ROPN1L: variants seen among roughly 807,000 people sequenced by gnomAD.
The protein encoded by ROPN1L is rhophilin associated tail protein 1 like, also known as ropporin-1-like protein.
In ROPN1L, 23 loss-of-function variants were observed where a neutral mutation model predicts 22.7. The ratio of observed to expected loss-of-function variants is 1.01; its 90% CI spans 0.73 to 1.43. The LOEUF (loss-of-function observed/expected upper bound fraction) is 1.43. Ranked by LOEUF, ROPN1L falls within the 40% of genes most tolerant of loss-of-function variation. The probability of loss-of-function intolerance (pLI) is 0.00; values close to 1 mark genes in which losing one functional copy is unlikely to be tolerated. For synonymous variants in ROPN1L, 116 were observed against 117.8 expected (o/e 0.98, Z 0.10); for missense variants, 271 against 291.5 (o/e 0.93, Z 0.51).
downstream of ROPN1L, among the ~76,000 whole-genome samples, chr5:10,469,082 G>GCCC (rs1212227248): frequency 3.9e-5 from 6 of 152,168 alleles, no homozygotes; most frequent in Non-Finnish European, 8.8e-5. Flanking sequence ...GTGAACCTGG[G>GCCC]AGGCGGAGCT....
chr5:10,450,066 ATCAAGTGG>A lies in ROPN1L; in HGVS notation c.371_378del (p.Ile124AsnfsTer97). On this transcript the variant is annotated frameshift_variant, in exon 3 of 5. Coordinates refer to ENST00000274134, the MANE Select transcript of ROPN1L (RefSeq NM_031916.5). LOFTEE classifies it high-confidence loss of function. Reference sequence around the variant, plus strand: ...ACAACTGGATCCTTGTGAAAACAAAATCAAGTGGATAAACTTTTTAGCGCTTGGATGCA... The same window carrying A: ...ACAACTGGATCCTTGTGAAAACAAAAATAAACTTTTTAGCGCTTGGATGCA... The A allele has an allele frequency of 1.2e-6, 2 of 1,614,018 alleles. No individual in the cohort carries two copies. The highest frequency in any genetic ancestry group is 1.7e-6 in the Non-Finnish European group (2 of 1,180,012).
chr5:10,455,360 G>A (rs1741383917), intron 3 of ROPN1L, among the ~76,000 whole-genome samples: 1 of 152,224 alleles, frequency 6.6e-6, no homozygotes, highest in Admixed American at 6.5e-5. Flanking sequence ...CCCGTGAGAA[G>A]AAGACACAGC....
In ROPN1L at chr5:10,450,121, C is replaced by T; in HGVS notation, c.417+8C>T. On this transcript the variant is annotated splice_region_variant and intron_variant, in intron 3 of 4. Coordinates refer to ENST00000274134, the MANE Select transcript of ROPN1L (RefSeq NM_031916.5). Reference sequence around the variant, plus strand: ...TGCAGCATGCTTGGTGGGGTATGTACCTATAAACAGCATATTAATAATTCT... The same window carrying T: ...TGCAGCATGCTTGGTGGGGTATGTATCTATAAACAGCATATTAATAATTCT... 6.3e-7 allele frequency: 1 copy of T among 1,576,702 alleles called. No homozygotes were observed. Among genetic ancestry groups the T allele is most frequent in the Non-Finnish European group, 8.6e-7 (1 of 1,162,934 alleles).
intron 3 of ROPN1L, among the ~76,000 whole-genome samples, chr5:10,456,352 G>A (rs948379436): frequency 1.3e-5 from 2 of 152,184 alleles, no homozygotes; most frequent in Admixed American, 1.3e-4. Context: ...GCTGGGCATG[G>A]TGGTGTGCAC....
At chr5:10,480,822 T>TC in the ROPN1L span, among the ~76,000 whole-genome samples, 1 of 151,676 alleles carries the variant, frequency 6.6e-6, no homozygotes, top group Non-Finnish European at 1.5e-5. Context: ...GGCTGACAAA[T>TC]CCCCCTCTGA....
chr5:10,473,981 G>A (rs189174607), downstream of ROPN1L, among the ~76,000 whole-genome samples: 1,107 of 151,986 alleles, frequency 7.3e-3, 11 homozygotes, highest in South Asian at 0.012. Context: ...GCAAATCCCC[G>A]TCTCTACTAA....
At chr5:10,470,950 C>T (rs1340143608) in intron 4 of ROPN1L, among the ~76,000 whole-genome samples, 1 of 152,140 alleles carries the variant, frequency 6.6e-6, no homozygotes, top group African/African-American at 2.4e-5. Context: ...CTGTCATTAC[C>T]CCTGTGTTAT....
In ROPN1L at chr5:10,441,964, C is replaced by G; in HGVS notation, c.-204C>G. ...AGGGTCTAGGGTGTTGTCGGAGTGG[C>G]AGTTGGTCCGAATTTCTCCCGAAGC... On this transcript the variant is annotated 5_prime_UTR_variant, in exon 1 of 5. Coordinates refer to ENST00000274134, the MANE Select transcript of ROPN1L (RefSeq NM_031916.5). 1 of 598,304 alleles carries G rather than the reference C, an allele frequency of 1.7e-6. No homozygotes were observed. 37.1% of individuals were successfully genotyped at this position (598,304 alleles called of 1,614,324 possible).
chr5:10,448,322 C>A lies in ROPN1L; in HGVS notation c.194C>A (p.Thr65Lys), dbSNP rs763285700. ...LPVKDRMEMP[T>K]ATQKTDTGLT... ...GTAAAGGACAGAATGGAAATGCCCACGGCAACCCAGAAAACAGACACAGGC... is the reference window on the plus strand; with the variant it reads ...GTAAAGGACAGAATGGAAATGCCCAAGGCAACCCAGAAAACAGACACAGGC... The change falls in exon 2 of 5, where the codon ACG becomes AAG. Residue 65 changes from threonine to lysine, a missense_variant. By Grantham distance (78) the Thr-to-Lys change is moderately conservative. Coordinates refer to ENST00000274134, the MANE Select transcript of ROPN1L (RefSeq NM_031916.5). 6.2e-7 allele frequency: 1 copy of A among 1,614,076 alleles called. No homozygotes were observed. The highest frequency in any genetic ancestry group is 1.3e-5 in the African/African-American group (1 of 74,938).
At chr5:10,444,894 A>G (rs1741006067) in intron 1 of ROPN1L, among the ~76,000 whole-genome samples, 1 of 151,988 alleles carries the variant, frequency 6.6e-6, no homozygotes, top group South Asian at 2.1e-4. Flanking sequence ...GCAAGACTCC[A>G]TCATAAAAAT....
At chr5:10,472,022 G>A (rs7711645) in exon 5 of ROPN1L, 86,323 of 152,090 alleles carry the variant, frequency 0.57, 25,428 homozygotes, top group Middle Eastern at 0.72. Flanking sequence ...TGAAGATGCG[G>A]TGGGGGAGAC....
At chr5:10,455,619 C>T (rs1741392660) in intron 3 of ROPN1L, among the ~76,000 whole-genome samples, 1 of 152,248 alleles carries the variant, frequency 6.6e-6, no homozygotes, top group Non-Finnish European at 1.5e-5. Context: ...CTGTCCTGCA[C>T]AGGATATCAC....
At chr5:10,459,644 C>T (rs1043769713) in intron 3 of ROPN1L, among the ~76,000 whole-genome samples, 9 of 152,148 alleles carry the variant, frequency 5.9e-5, no homozygotes, top group African/African-American at 1.9e-4. Flanking sequence ...CCCTGGAATT[C>T]TCCCAGCATC....
chr5:10,461,371 C>T lies in ROPN1L; in HGVS notation c.593+12C>T. ...CTAAAGGAAAATATGTAAGTATGCA[C>T]CCTCTCTAGGATTCAGGTATGTTGA... On this transcript the variant is annotated intron_variant, in intron 4 of 4. Transcript: ENST00000274134. 6.2e-7 allele frequency: 1 copy of T among 1,608,794 alleles called. No homozygotes were observed. The highest frequency in any genetic ancestry group is 1.1e-5 in the South Asian group (1 of 90,872).
At position 10,446,891 on chromosome 5, in the gene ROPN1L, CCTTTAGGT is replaced by C. The variant is rs1482254898; in HGVS notation, c.132-1360_132-1353del. ...CGAGGCACCTATTCTTCACCCACAC[CCTTTAGGT>C]CTTTAGGTTCACATTTGTCTAACTC... On this transcript the variant is annotated intron_variant, in intron 1 of 4. Coordinates refer to ENST00000274134, the MANE Select transcript of ROPN1L (RefSeq NM_031916.5). Among the ~76,000 whole-genome samples the C allele has an allele frequency of 2.0e-5, 3 of 152,066 alleles. No homozygotes were observed. In the East Asian group the frequency reaches 5.8e-4, roughly 29 times the overall value.
downstream of ROPN1L, among the ~76,000 whole-genome samples, chr5:10,475,622 T>TAAATAAA (rs1006746776): frequency 6.6e-6 from 1 of 152,052 alleles, no homozygotes; most frequent in African/African-American, 2.4e-5. Flanking sequence ...AATATAAAAA[T>TAAATAAA]AAATAAAAAA....
chr5:10,476,777 A>G (rs1019524399), downstream of ROPN1L, among the ~76,000 whole-genome samples: 1 of 152,278 alleles, frequency 6.6e-6, no homozygotes, highest in African/African-American at 2.4e-5. Context: ...CTAAGACCTT[A>G]AAAATAATAA....
At chr5:10,464,329 C>T (rs1554030880) in intron 4 of ROPN1L, among the ~76,000 whole-genome samples, 1 of 152,234 alleles carries the variant, frequency 6.6e-6, no homozygotes, top group Non-Finnish European at 1.5e-5. Context: ...GTCACATGGA[C>T]GACACAGTAC....
intron 1 of ROPN1L, among the ~76,000 whole-genome samples, chr5:10,447,181 A>G (rs1741095448): frequency 6.6e-6 from 1 of 152,124 alleles, no homozygotes; most frequent in Non-Finnish European, 1.5e-5. Flanking sequence ...GTCTCTTTTC[A>G]TCATGCTAAA....
Sources: allele counts gnomAD v4.1 joint callset (sites outside exome capture counted in the v4.1 genomes callset), GRCh38; gene constraint gnomAD v4.1.1; transcripts MANE v1.5; gene names NCBI Gene and HGNC (gene_info 2026-07-23, HGNC 2026-07-21).